LMNTD1: variants seen among roughly 807,000 people sequenced by gnomAD.
The protein encoded by LMNTD1 is lamin tail domain-containing protein 1.
LMNTD1 carries 35 observed loss-of-function variants against 50.9 expected under a neutral mutation model. That is an observed-to-expected ratio of 0.69 (90% CI 0.53 to 0.91). LMNTD1 has a LOEUF of 0.91. Ranked by LOEUF, LMNTD1 falls within the 40% of genes least tolerant of loss-of-function variation. The pLI, the probability that LMNTD1 is intolerant of heterozygous loss-of-function variation, is 0.00. For synonymous variants in LMNTD1, 153 were observed against 161.9 expected, an observed-to-expected ratio of 0.94 and a Z score of 0.42; for missense variants, 470 against 475.5, an observed-to-expected ratio of 0.99 and a Z score of 0.11.
intron 1 of LMNTD1, among the ~76,000 whole-genome samples, chr12:25,585,752 AT>A (rs1555117172): frequency 6.6e-6 from 1 of 152,146 alleles, no homozygotes; most frequent in Non-Finnish European, 1.5e-5. Context: ...TTTTGCCTCA[AT>A]TATCTTTTCT....
chr12:25,515,240 A>G (rs1453399938), intron 8 of LMNTD1, among the ~76,000 whole-genome samples: 17 of 151,958 alleles, frequency 1.1e-4, no homozygotes, highest in Admixed American at 1.1e-3. Flanking sequence ...TTTTTCATCT[A>G]TATTATTGAC....
At chr12:25,550,175 T>A (rs974040542) in intron 2 of LMNTD1, among the ~76,000 whole-genome samples, 1 of 149,880 alleles carries the variant, frequency 6.7e-6, no homozygotes, top group Non-Finnish European at 1.5e-5. Context: ...CGTGTACTAT[T>A]TTTATAAGTG....
In LMNTD1 at chr12:25,568,699, G is replaced by A. The variant is rs1012584016; in HGVS notation, c.59-22145C>T. Among the ~76,000 whole-genome samples the A allele has an allele frequency of 2.6e-5, 4 of 152,214 alleles. No individual in the cohort carries two copies. The East Asian group carries it at 5.8e-4, about 22-fold the overall frequency. On this transcript the variant is annotated intron_variant, in intron 1 of 7. Transcript: ENST00000445693. ...CCTCATTTCTGCAGCTCCAGCTTCA[G>A]CCATGGCTCAAAGTGCCCCAGATAC...
chr12:25,489,040 A>T (rs1938775910), intron 9 of LMNTD1, among the ~76,000 whole-genome samples: 1 of 152,146 alleles, frequency 6.6e-6, no homozygotes, highest in South Asian at 2.1e-4. Flanking sequence ...AAGCTGTCAG[A>T]CAGGGACATT....
At chr12:25,515,504 A>T (rs1591868179) in intron 8 of LMNTD1, among the ~76,000 whole-genome samples, 1 of 152,226 alleles carries the variant, frequency 6.6e-6, no homozygotes, top group East Asian at 1.9e-4. Flanking sequence ...AACCAGAATG[A>T]TTTATTCCAA....
intron 8 of LMNTD1, among the ~76,000 whole-genome samples, chr12:25,513,145 G>C (rs1940435633): frequency 6.6e-6 from 1 of 152,116 alleles, no homozygotes; most frequent in African/African-American, 2.4e-5. Flanking sequence ...CAAATTCTCA[G>C]CAAAATGAAT....
chr12:25,547,205 A>G (rs1591982736), intron 3 of LMNTD1: 1 of 964,982 alleles, frequency 1.0e-6, no homozygotes, highest in South Asian at 4.8e-5. Context: ...CTAATAATAT[A>G]TCCGCAAAGG....
intron 1 of LMNTD1, among the ~76,000 whole-genome samples, chr12:25,612,913 GA>G (rs1398603732): frequency 1.3e-5 from 2 of 152,176 alleles, no homozygotes; most frequent in Non-Finnish European, 2.9e-5. Flanking sequence ...TGGGTCCTGT[GA>G]TGTAGTCTCA....
At chr12:25,619,252 C>CTCTCTATATATATATATATATA (rs1374134268) in intron 1 of LMNTD1, among the ~76,000 whole-genome samples, 18 of 84,418 alleles carry the variant, frequency 2.1e-4, no homozygotes, top group Non-Finnish European at 3.7e-4. Context: ...CTCTCTCTCT[C>CTCTCTATATATATATATATATA]TATATATATA....
At chr12:25,606,822 G>C (rs996590477) in intron 1 of LMNTD1, among the ~76,000 whole-genome samples, 5 of 152,114 alleles carry the variant, frequency 3.3e-5, no homozygotes, top group African/African-American at 1.2e-4. Flanking sequence ...GCCAGGCTTT[G>C]GTATCAGGAT....
At chr12:25,489,152 C>T (rs1467311058) in intron 9 of LMNTD1, among the ~76,000 whole-genome samples, 1 of 152,010 alleles carries the variant, frequency 6.6e-6, no homozygotes, top group Non-Finnish European at 1.5e-5. Flanking sequence ...GTGGTGGGCT[C>T]CACCCAGTTC....
intron 9 of LMNTD1, among the ~76,000 whole-genome samples, chr12:25,489,671 C>T (rs1938821665): frequency 1.3e-5 from 2 of 151,944 alleles, no homozygotes; most frequent in Admixed American, 1.3e-4. Context: ...CCCCAATAGC[C>T]ATTTTAAGTA....
At chr12:25,628,133 A>T (rs1946636322) in intron 1 of LMNTD1, among the ~76,000 whole-genome samples, 1 of 150,478 alleles carries the variant, frequency 6.6e-6, no homozygotes, top group Non-Finnish European at 1.5e-5. Context: ...AAAAAAAAAA[A>T]AAAAAGGCAA....
chr12:25,572,411 T>A (rs1277402056), intron 1 of LMNTD1, among the ~76,000 whole-genome samples: 1 of 152,242 alleles, frequency 6.6e-6, no homozygotes, highest in East Asian at 1.9e-4. Context: ...AGAATGTTTT[T>A]ATATTCTTTC....
intron 1 of LMNTD1, among the ~76,000 whole-genome samples, chr12:25,638,973 A>G (rs1264701297): frequency 1.3e-5 from 2 of 152,206 alleles, no homozygotes; most frequent in Admixed American, 6.5e-5. Context: ...TTATACATAT[A>G]GATCAGTGGA....
chr12:25,541,371 A>G (rs1475201071), intron 4 of LMNTD1, among the ~76,000 whole-genome samples: 2 of 147,688 alleles, frequency 1.4e-5, no homozygotes, highest in African/African-American at 5.0e-5. Flanking sequence ...ACCAAAACAG[A>G]GATATAGATC....
chr12:25,561,877 A>T (rs1208804772), intron 1 of LMNTD1, among the ~76,000 whole-genome samples: 2 of 152,028 alleles, frequency 1.3e-5, no homozygotes, highest in South Asian at 2.1e-4. Context: ...AATTGATCCC[A>T]TTACCATTAT....
chr12:25,571,652 C>A (rs114205919), intron 1 of LMNTD1, among the ~76,000 whole-genome samples: 2 of 151,528 alleles, frequency 1.3e-5, no homozygotes, highest in African/African-American at 4.9e-5. Context: ...CATGAGCTAC[C>A]ATTCCCAACC....
chr12:25,520,866 T>G (rs76115254), intron 6 of LMNTD1, among the ~76,000 whole-genome samples: 1 of 152,176 alleles, frequency 6.6e-6, no homozygotes, highest in Non-Finnish European at 1.5e-5. Context: ...CAACATTTGT[T>G]ATTATATCTC....
Sources: allele counts gnomAD v4.1 joint callset (sites outside exome capture counted in the v4.1 genomes callset), GRCh38; gene constraint gnomAD v4.1.1; transcripts MANE v1.5; gene names NCBI Gene and HGNC (gene_info 2026-07-23, HGNC 2026-07-21).